MCPH1: variants seen among roughly 807,000 people sequenced by gnomAD.
MCPH1 encodes the protein microcephalin.
MCPH1 carries 104 observed loss-of-function variants against 84.5 expected under a neutral mutation model. That is an observed-to-expected ratio of 1.23 (90% CI 1.05 to 1.45). The LOEUF (loss-of-function observed/expected upper bound fraction) is 1.45, where lower values mean the gene tolerates loss of function less well. MCPH1 is among the 40% of genes most tolerant of loss of function. MCPH1 has a pLI of 0.00. For synonymous variants in MCPH1, 514 were observed against 366.8 expected (o/e 1.40, Z -4.58); for missense variants, 1,498 against 1,005.7 (o/e 1.49, Z -6.62).
chr8:6,407,230 C>G (rs966875263), intron 1 of MCPH1: 1 of 168,210 alleles, frequency 5.9e-6, no homozygotes, highest in Non-Finnish European at 1.3e-5. Flanking sequence ...AGTTGAGTTT[C>G]TATGCTAATT....
At chr8:6,408,974 C>G (rs1462967861) in intron 1 of MCPH1, among the ~76,000 whole-genome samples, 2 of 152,076 alleles carry the variant, frequency 1.3e-5, no homozygotes, top group Non-Finnish European at 2.9e-5. Flanking sequence ...CAACCTCTGC[C>G]TCCCGGGTTC....
At chr8:6,627,231 G>C (rs1796801511) in intron 13 of MCPH1, 2 of 985,272 alleles carry the variant, frequency 2.0e-6, no homozygotes, top group Non-Finnish European at 2.4e-6. Flanking sequence ...GATATGTGAG[G>C]CTTGATCAGT....
chr8:6,520,786 G>C (rs913610466), intron 12 of MCPH1, among the ~76,000 whole-genome samples: 2 of 152,208 alleles, frequency 1.3e-5, no homozygotes, highest in African/African-American at 4.8e-5. Context: ...AAGGGAACTA[G>C]CATCTCTTAA....
At chr8:6,572,495 A>C (rs1000391521) in intron 12 of MCPH1, among the ~76,000 whole-genome samples, 1 of 152,238 alleles carries the variant, frequency 6.6e-6, no homozygotes, top group Non-Finnish European at 1.5e-5. Flanking sequence ...TTTAGGACCT[A>C]CATCAATTGC....
At position 6,439,112 on chromosome 8, in the gene MCPH1, G is replaced by T. The variant is rs376470255; in HGVS notation, c.580+16G>T. The T allele has an allele frequency of 3.7e-6, 6 of 1,610,370 alleles. No individual in the cohort carries two copies. The African/African-American group carries it at 6.7e-5, about 18-fold the overall frequency. ...TCCCCCACCTGTAAGTAATTAGTTT[G>T]TAAAATGAAAATTATGCAAATAGCC... is the stretch of plus-strand genomic sequence containing the variant. On this transcript the variant is annotated intron_variant, in intron 6 of 13. Transcript: ENST00000344683.
intron 12 of MCPH1, among the ~76,000 whole-genome samples, chr8:6,568,188 C>A (rs1360346766): frequency 1.3e-5 from 2 of 152,106 alleles, no homozygotes; most frequent in African/African-American, 4.8e-5. Flanking sequence ...AAGGCGCAAA[C>A]AAGAAAAGCC....
intron 13 of MCPH1, chr8:6,625,999 C>T (rs1014254558): frequency 1.4e-5 from 14 of 985,182 alleles, no homozygotes; most frequent in East Asian, 1.1e-4. Context: ...GGTACTGAAA[C>T]GACAGCTCTT....
At chr8:6,570,983 G>T (rs1426433835) in intron 12 of MCPH1, among the ~76,000 whole-genome samples, 2 of 151,632 alleles carry the variant, frequency 1.3e-5, no homozygotes, top group Non-Finnish European at 2.9e-5. Flanking sequence ...GGTAGCTTGG[G>T]AAATATCCAA....
Position 6,564,368 on chromosome 8 carries a change from G to A in MCPH1, c.2215-57086G>A, listed in dbSNP as rs146616598. ...ATTAGTCCCCCTTGGTATTAGACTC[G>A]GGCAAGTCACTTCCCTGTTTTAATT... On this transcript the variant is annotated intron_variant, in intron 12 of 13. Transcript: ENST00000344683. Among the ~76,000 whole-genome samples the A allele has an allele frequency of 4.1e-3, 629 of 152,162 alleles. 6 individuals are homozygous for A. Among genetic ancestry groups the A allele is most frequent in the African/African-American group, 0.014 (571 of 41,480 alleles).
intron 13 of MCPH1, chr8:6,627,150 C>G (rs1311657170): frequency 4.1e-6 from 4 of 985,268 alleles, no homozygotes; most frequent in Non-Finnish European, 4.8e-6. Context: ...GACTGACTGA[C>G]CAGAAAAATG....
In MCPH1 at chr8:6,528,198, G is replaced by A. The variant is rs921099733; in HGVS notation, c.2214+28269G>A. Among the ~76,000 whole-genome samples the A allele has an allele frequency of 2.6e-5, 4 of 152,196 alleles. No homozygotes were observed. In the East Asian group the frequency reaches 5.8e-4, roughly 22 times the overall value. The stretch of plus-strand genomic sequence containing the variant: ...CAGGCATTAGCCACTGCACCCGGCC[G>A]TTATGTCTCTATCTTGGAAAGTGGT... On this transcript the variant is annotated intron_variant, in intron 12 of 13. Transcript: ENST00000344683.
rs1311414174 is a variant in MCPH1 at position 6,644,492 on chromosome 8, A to T, written c.*1443A>T. 1 of 152,212 alleles carries T rather than the reference A, an allele frequency of 6.6e-6. No individual in the cohort carries two copies. The highest frequency in any genetic ancestry group is 1.5e-5 in the Non-Finnish European group (1 of 68,038). 9.4% of individuals were successfully genotyped at this position (152,212 alleles called of 1,614,324 possible). A position where few individuals can be genotyped will look rare whatever the true frequency, so the allele number is the denominator to read the frequency against. ...CCTGGAACCGATAAATGACTTAAGTAAAGTTTCAGGATAGTAAATCCATGT... is the reference window on the plus strand; with the variant it reads ...CCTGGAACCGATAAATGACTTAAGTTAAGTTTCAGGATAGTAAATCCATGT... On this transcript the variant is annotated 3_prime_UTR_variant, in exon 14 of 14. Coordinates refer to ENST00000344683, the MANE Select transcript of MCPH1 (RefSeq NM_024596.5).
At chr8:6,479,553 G>C (rs1808922955) in intron 10 of MCPH1, among the ~76,000 whole-genome samples, 1 of 151,526 alleles carries the variant, frequency 6.6e-6, no homozygotes, top group Admixed American at 6.6e-5. Flanking sequence ...TCCTGCGTCA[G>C]CCTCCTGAGT....
intron 13 of MCPH1, among the ~76,000 whole-genome samples, chr8:6,639,634 G>C (rs757331268): frequency 4.0e-5 from 6 of 150,902 alleles, no homozygotes; most frequent in Non-Finnish European, 5.9e-5. Flanking sequence ...CTGCACTCCA[G>C]TCTGGGCAAT....
At chr8:6,470,566 T>G (rs541545504) in intron 9 of MCPH1, among the ~76,000 whole-genome samples, 5 of 152,242 alleles carry the variant, frequency 3.3e-5, no homozygotes, top group African/African-American at 4.8e-5. Context: ...ATTACAGATG[T>G]GAGCCACCAT....
In MCPH1 at chr8:6,444,908, C is replaced by T. The variant is rs201128010; in HGVS notation, c.1186C>T (p.His396Tyr). 2 of 1,614,038 alleles carry T rather than the reference C, an allele frequency of 1.2e-6. No individual in the cohort carries two copies. Among genetic ancestry groups the T allele is most frequent in the Non-Finnish European group, 1.7e-6 (2 of 1,179,996 alleles). The change falls in exon 8 of 14, where the codon CAC becomes TAC. Residue 396 changes from histidine to tyrosine, a missense_variant. His to Tyr is a moderately conservative substitution (Grantham distance 83, BLOSUM62 2). Transcript: ENST00000344683. ...QLCRSEDRLQHVAGPALEALS... is the reference protein window; with the variant it reads ...QLCRSEDRLQYVAGPALEALS... The stretch of plus-strand genomic sequence containing the variant: ...GTGCAGGTCGGAAGACAGGCTGCAG[C>T]ACGTGGCGGGACCTGCCCTGGAGGC...
chr8:6,531,577 C>G (rs1171493862), intron 12 of MCPH1, among the ~76,000 whole-genome samples: 1 of 152,168 alleles, frequency 6.6e-6, no homozygotes, highest in African/African-American at 2.4e-5. Flanking sequence ...CAGGCGTGAG[C>G]TACTGCGCCT....
intron 12 of MCPH1, among the ~76,000 whole-genome samples, chr8:6,614,656 A>T (rs913942936): frequency 6.6e-6 from 1 of 152,186 alleles, no homozygotes; most frequent in African/African-American, 2.4e-5. Flanking sequence ...TTCAATGCCT[A>T]TATCTGCCTC....
At chr8:6,419,575 T>A (rs1248176594) in intron 3 of MCPH1, among the ~76,000 whole-genome samples, 3 of 124,038 alleles carry the variant, frequency 2.4e-5, no homozygotes, top group Non-Finnish European at 5.3e-5. Context: ...TTTTTTTTTT[T>A]GTATTTTTAG....
Sources: gnomAD v4.1 joint callset for allele counts (sites outside exome capture counted in the v4.1 genomes callset) on GRCh38, gnomAD v4.1.1 for gene constraint, MANE v1.5 for transcripts, NCBI Gene and HGNC (gene_info 2026-07-23, HGNC 2026-07-21) for gene names.